Variants in IFT74 observed in about 807,000 individuals in gnomAD.
IFT74 encodes intraflagellar transport protein 74 homolog.
Under a neutral mutation model 96.7 loss-of-function variants are expected in IFT74, and 92 were observed. The observed-to-expected ratio is 0.95, with a 90% CI of 0.80 to 1.13. IFT74 has a LOEUF of 1.13. Ranked by LOEUF, IFT74 falls within the 50% of genes most tolerant of loss-of-function variation. The probability of loss-of-function intolerance (pLI) is 0.00; values close to 1 mark genes in which losing one functional copy is unlikely to be tolerated. For missense variants in IFT74, 811 were observed against 698.2 expected (o/e 1.16, Z -1.82); for synonymous variants, 223 against 213.2 (o/e 1.05, Z -0.40).
intron 1 of IFT74, among the ~76,000 whole-genome samples, chr9:26,948,448 A>ATTATTATTATTATTATTATTTTTTT (rs1825819541): frequency 1.7e-5 from 1 of 59,162 alleles, no homozygotes; most frequent in African/African-American, 5.4e-5. Flanking sequence ...GCTTTCCATT[A>ATTATTATTATTATTATTATTTTTTT]TTTTTTTTTT....
intron 2 of IFT74, among the ~76,000 whole-genome samples, chr9:26,963,577 A>G (rs998816923): frequency 1.1e-4 from 17 of 150,918 alleles, no homozygotes; most frequent in Admixed American, 6.0e-4. Context: ...TCCCACCAAC[A>G]GTGTAAAAGT....
intron 13 of IFT74, among the ~76,000 whole-genome samples, chr9:27,034,948 T>C (rs1245114675): frequency 1.3e-5 from 2 of 152,242 alleles, no homozygotes; most frequent in Non-Finnish European, 2.9e-5. Context: ...TATCTTAGTT[T>C]TTTTTCTTTA....
intron 12 of IFT74, among the ~76,000 whole-genome samples, chr9:27,020,884 CCA>C (rs977803546): frequency 9.2e-5 from 14 of 152,050 alleles, no homozygotes; most frequent in African/African-American, 3.4e-4. Context: ...CAAGCAGTGT[CCA>C]CTCTACCCAC....
In IFT74 at chr9:26,978,224, AC is replaced by A. The variant is rs1563945985; in HGVS notation, c.218del (p.Thr73AsnfsTer5). ...AATCAAAGTTGCCCATCGCCCTGTA[AC>A]ACAACAAGGTTTGACTGGAATGAAA... ...SQIKVAHRPV[T>X]QQGLTGMKTG... On this transcript the variant is annotated frameshift_variant, in exon 3 of 20. Coordinates refer to ENST00000380062, the MANE Select transcript of IFT74 (RefSeq NM_025103.4). LOFTEE classifies it high-confidence loss of function. The A allele has an allele frequency of 6.2e-7, 1 of 1,613,604 alleles. No individual in the cohort carries two copies. Among genetic ancestry groups the A allele is most frequent in the Admixed American group, 1.7e-5 (1 of 59,782 alleles).
At chr9:27,055,396 C>T (rs1820116561) in intron 16 of IFT74, among the ~76,000 whole-genome samples, 1 of 151,980 alleles carries the variant, frequency 6.6e-6, no homozygotes, top group African/African-American at 2.4e-5. Context: ...ATCAGGTTAC[C>T]TTGATTCCCT....
intron 8 of IFT74, among the ~76,000 whole-genome samples, chr9:27,008,241 C>T (rs770307734): frequency 2.6e-5 from 4 of 152,172 alleles, no homozygotes; most frequent in Non-Finnish European, 5.9e-5. Context: ...CTCTCTACTC[C>T]CTAGTTCTGT....
intron 12 of IFT74, among the ~76,000 whole-genome samples, chr9:27,023,100 G>GCAGA (rs1343362418): frequency 6.6e-6 from 1 of 152,130 alleles, no homozygotes; most frequent in African/African-American, 2.4e-5. Context: ...CATATCAAGA[G>GCAGA]CAGACAGTGA....
intron 16 of IFT74, 90 bp downstream of exon 16, chr9:27,048,364 CTATAATT>C: frequency 1.1e-6 from 1 of 916,306 alleles, no homozygotes; most frequent in South Asian, 2.5e-5. Flanking sequence ...TTGACAGAGG[CTATAATT>C]TATGATTGCC....
Position 27,063,602 on chromosome 9 carries a change from C to G in IFT74, c.*866C>G, listed in dbSNP as rs1276606163. 6.6e-6 allele frequency among the ~76,000 whole-genome samples: 1 copy of G among 152,024 alleles called. No homozygotes were observed. The highest frequency in any genetic ancestry group is 6.6e-5 in the Admixed American group (1 of 15,254). On this transcript the variant is annotated 3_prime_UTR_variant, in exon 20 of 20. Transcript: ENST00000380062. ...TCGTGCAGGAATGAGTCACCTTGGCCAGCATAAAATATTACTTAAAACTAT... is the reference window on the plus strand; with the variant it reads ...TCGTGCAGGAATGAGTCACCTTGGCGAGCATAAAATATTACTTAAAACTAT...
intron 17 of IFT74, 39 bp from the exon 18 acceptor site, chr9:27,056,295 A>G (rs370587933): frequency 2.1e-6 from 3 of 1,438,944 alleles, no homozygotes. Context: ...CTTACTACAT[A>G]TTTTCTATAA....
intron 2 of IFT74, among the ~76,000 whole-genome samples, chr9:26,973,111 C>A (rs904006870): frequency 6.6e-6 from 1 of 152,158 alleles, no homozygotes; most frequent in Admixed American, 6.5e-5. Context: ...AAATATGTCT[C>A]GGCTATCCTC....
chr9:27,010,465 T>G (rs1339766753), intron 9 of IFT74, among the ~76,000 whole-genome samples: 1 of 150,524 alleles, frequency 6.6e-6, no homozygotes, highest in Non-Finnish European at 1.5e-5. Flanking sequence ...TAACCATCAT[T>G]CTACTACCCC....
At chr9:27,033,310 C>T (rs1186291245) in intron 13 of IFT74, among the ~76,000 whole-genome samples, 10 of 152,054 alleles carry the variant, frequency 6.6e-5, no homozygotes, top group Non-Finnish European at 1.5e-4. Context: ...ATAATCCTAG[C>T]ACTTTGGGAG....
chr9:26,956,281 G>A (rs755235553), upstream of IFT74: 5 of 152,254 alleles, frequency 3.3e-5, no homozygotes, highest in Non-Finnish European at 7.3e-5. Flanking sequence ...GCGTGGTGAA[G>A]AAACAAACAT....
intron 2 of IFT74, among the ~76,000 whole-genome samples, chr9:26,966,363 C>T (rs1156762094): frequency 6.6e-6 from 1 of 151,966 alleles, no homozygotes; most frequent in Non-Finnish European, 1.5e-5. Context: ...GGATAAAAGT[C>T]GTTTTAACTG....
At chr9:26,999,667 A>G (rs1828368437) in intron 8 of IFT74, 2 of 1,610,754 alleles carry the variant, frequency 1.2e-6, no homozygotes, top group African/African-American at 1.3e-5. Flanking sequence ...AGGGGCCAAA[A>G]GAGGATTGTG....
At chr9:26,998,595 T>C (rs574241125) in intron 8 of IFT74, among the ~76,000 whole-genome samples, 1 of 152,320 alleles carries the variant, frequency 6.6e-6, no homozygotes, top group South Asian at 2.1e-4. Flanking sequence ...AATATTCCAG[T>C]GTGCACAATT....
chr9:27,035,947 T>G (rs757743219), intron 13 of IFT74, among the ~76,000 whole-genome samples: 41 of 152,222 alleles, frequency 2.7e-4, no homozygotes, highest in Non-Finnish European at 5.1e-4. Flanking sequence ...ATGTATAACT[T>G]TTGACTCCAT....
chr9:26,981,269 CA>C (rs565440833), intron 4 of IFT74, among the ~76,000 whole-genome samples: 116 of 152,268 alleles, frequency 7.6e-4, no homozygotes, highest in African/African-American at 2.7e-3. Flanking sequence ...ATTTTAGAGA[CA>C]GAGTCTCACT....
Sources: gnomAD v4.1 joint callset for allele counts (sites outside exome capture counted in the v4.1 genomes callset) on GRCh38, gnomAD v4.1.1 for gene constraint, MANE v1.5 for transcripts, NCBI Gene and HGNC (gene_info 2026-07-23, HGNC 2026-07-21) for gene names.